Variants in BRAP observed in about 807,000 individuals in gnomAD.
The protein encoded by BRAP is BRCA1 associated protein, also known as BRCA1-associated protein.
In BRAP, 42 loss-of-function variants were observed where a neutral mutation model predicts 73.4. The ratio of observed to expected loss-of-function variants is 0.57; its 90% CI spans 0.45 to 0.74. The LOEUF (loss-of-function observed/expected upper bound fraction) is 0.74. Among genes scored for constraint, BRAP ranks in the 30% least tolerant of loss-of-function variants. The pLI is 0.00. For synonymous variants in BRAP, 255 were observed against 267.4 expected (o/e 0.95, Z 0.45); for missense variants, 593 against 751.4 (o/e 0.79, Z 2.46).
At chr12:111,647,739 T>C (rs905052395) in intron 11 of BRAP, among the ~76,000 whole-genome samples, 5 of 151,806 alleles carry the variant, frequency 3.3e-5, no homozygotes, top group Non-Finnish European at 7.4e-5. Flanking sequence ...CTACTAAAAA[T>C]ACAAAATTAG....
rs749368439 is a variant in BRAP at position 111,665,614 on chromosome 12, A to G, written c.896+25T>C. On this transcript the variant is annotated intron_variant, in intron 6 of 11. Coordinates refer to ENST00000419234, the MANE Select transcript of BRAP (RefSeq NM_006768.5). The surrounding 1 kb of genome is among the most constrained non-coding windows in gnomAD (Gnocchi z 4.3). ...GAAGGGTTGCAATGGGCTTGTACAC[A>G]GAGGGGTTCGGCCCCTGCACTCACG... 1.9e-6 allele frequency: 3 copies of G among 1,613,840 alleles called. No homozygotes were observed. In the South Asian group the frequency reaches 3.3e-5, roughly 18 times the overall value.
chr12:111,685,243 T>C (rs1044906806), intron 1 of BRAP, among the ~76,000 whole-genome samples: 2 of 152,234 alleles, frequency 1.3e-5, no homozygotes, highest in African/African-American at 2.4e-5. Context: ...AAGAATACAA[T>C]ACACAAAAGG....
At chr12:111,655,852 G>A (rs542860258) in intron 9 of BRAP, among the ~76,000 whole-genome samples, 197 bp from the exon 10 acceptor site, 4 of 152,146 alleles carry the variant, frequency 2.6e-5, no homozygotes, top group Admixed American at 2.6e-4. Context: ...TGTCTTCCTG[G>A]GGCTTACAAT....
chr12:111,676,621 C>T (rs899648209), intron 4 of BRAP, among the ~76,000 whole-genome samples: 1 of 152,186 alleles, frequency 6.6e-6, no homozygotes, highest in Non-Finnish European at 1.5e-5. Context: ...ACCATGTTGG[C>T]CAGGCTGGTC....
At chr12:111,654,317 C>CT (rs371816715) in intron 10 of BRAP, among the ~76,000 whole-genome samples, 3,134 of 142,614 alleles carry the variant, frequency 0.022, 29 homozygotes, top group African/African-American at 0.023. Flanking sequence ...TTAAAACTGA[C>CT]TTTTTTTTTT....
intron 2 of BRAP, 25 bp downstream of exon 2, chr12:111,683,121 G>C: frequency 1.2e-6 from 2 of 1,601,974 alleles, no homozygotes; most frequent in Middle Eastern, 1.7e-4. Context: ...TTACAAAAGA[G>C]AGTCCAGGGT....
intron 1 of BRAP, among the ~76,000 whole-genome samples, chr12:111,684,663 GTTTT>G (rs796561385): frequency 6.8e-6 from 1 of 147,960 alleles, no homozygotes; most frequent in Non-Finnish European, 1.5e-5. Flanking sequence ...ATGAGCATAA[GTTTT>G]TTTTTTGTTT....
intron 11 of BRAP, 107 bp from the exon 12 acceptor site, chr12:111,644,669 G>A (rs1566106902): frequency 6.8e-7 from 1 of 1,473,496 alleles, no homozygotes; most frequent in Non-Finnish European, 9.1e-7. Flanking sequence ...ATCCCTTTAG[G>A]ACAGACCCCT....
rs1308514824 is a variant in BRAP, at chr12:111,685,879, G to T, written c.-87C>A. 6 of 913,890 alleles carry T rather than the reference G, an allele frequency of 6.6e-6. No individual in the cohort carries two copies. The highest frequency in any genetic ancestry group is 3.0e-6 in the Non-Finnish European group (2 of 673,746). 56.6% of individuals were successfully genotyped at this position (913,890 alleles called of 1,614,324 possible). On this transcript the variant is annotated 5_prime_UTR_variant, in exon 1 of 12. In the 5' UTR this introduces an upstream ATG that the reference lacks. Coordinates refer to ENST00000419234, the MANE Select transcript of BRAP (RefSeq NM_006768.5). ...GAGGCCGAGCGGCCCGGGGCCGGCA[G>T]CGCCGCCACCACCTCAATGCAGTTG...
At chr12:111,655,473 A>G (rs537299101) in intron 10 of BRAP, 93 bp downstream of exon 10, 1 of 1,004,382 alleles carries the variant, frequency 1.0e-6, no homozygotes, top group Non-Finnish European at 1.5e-6. Context: ...AGATGGTAAG[A>G]TTCCTCTTTC....
In BRAP at chr12:111,644,440, C is replaced by A; in HGVS notation, c.1538G>T (p.Arg513Met). The A allele has an allele frequency of 6.2e-7, 1 of 1,614,130 alleles. No individual in the cohort carries two copies. Among genetic ancestry groups the A allele is most frequent in the Non-Finnish European group, 8.5e-7 (1 of 1,180,020 alleles). The change falls in exon 12 of 12, where the codon AGG becomes ATG. Residue 513 changes from arginine to methionine, a missense_variant. Arg to Met is a moderately conservative substitution (Grantham distance 91). Coordinates refer to ENST00000419234, the MANE Select transcript of BRAP (RefSeq NM_006768.5). Reference protein sequence around the residue: ...LLQNKLKEEERVLKETCDQKD... With the variant: ...LLQNKLKEEEMVLKETCDQKD... ...TTGGTCACAGGTCTCCTTCAGCACCCTCTCCTCCTCTTTTAGCTTGTTCTG... is the reference window on the plus strand; with the variant it reads ...TTGGTCACAGGTCTCCTTCAGCACCATCTCCTCCTCTTTTAGCTTGTTCTG...
intron 10 of BRAP, among the ~76,000 whole-genome samples, chr12:111,651,114 G>C (rs1886303454): frequency 2.0e-5 from 3 of 151,932 alleles, no homozygotes; most frequent in Non-Finnish European, 4.4e-5. Flanking sequence ...CAATATAACA[G>C]GAACTGAAAG....
chr12:111,664,939 G>C (rs1320671624), intron 6 of BRAP, among the ~76,000 whole-genome samples: 1 of 152,166 alleles, frequency 6.6e-6, no homozygotes, highest in Non-Finnish European at 1.5e-5. Flanking sequence ...CTGTAACACT[G>C]GTTATGGCTG....
chr12:111,676,868 G>A (rs1334829208), intron 4 of BRAP, among the ~76,000 whole-genome samples: 3 of 152,200 alleles, frequency 2.0e-5, no homozygotes, highest in African/African-American at 7.2e-5. Context: ...CTTACACCAA[G>A]AGGGTATTAT....
rs575957434 is a variant in BRAP, at chr12:111,681,808, C to T, written c.272G>A (p.Arg91Lys). ...AGTGGGGGAGGCTTCTGAAGACTTC[C>T]TTTCTTCCACTGTAGTTTTTAGTTC... ...PDELKTTVEE[R>K]KSSEASPTAQ... Residue 91 changes from arginine (R) to lysine (K), a missense_variant, in exon 3 of 12, where the codon AGG becomes AAG. Physicochemically the swap from Arg to Lys is conservative, Grantham distance 26. This residue lies in a region of BRAP where 304 missense variants were observed against 337.7 expected (regional missense o/e 0.90). Transcript: ENST00000419234. 15 of 1,611,930 alleles carry T rather than the reference C, an allele frequency of 9.3e-6. No homozygotes were observed. The African/African-American group carries it at 1.9e-4, about 20-fold the overall frequency.
At chr12:111,683,761 G>A (rs191572389) in intron 1 of BRAP, among the ~76,000 whole-genome samples, 53 of 152,084 alleles carry the variant, frequency 3.5e-4, no homozygotes, top group East Asian at 3.3e-3. Flanking sequence ...GGCTGGTCTC[G>A]AACTCCTGGC....
At chr12:111,672,553 T>C in intron 5 of BRAP, 108 bp downstream of exon 5, 1 of 907,458 alleles carries the variant, frequency 1.1e-6, no homozygotes, top group Non-Finnish European at 1.6e-6. Context: ...CAGTCTACTT[T>C]CTGTGTCTAT....
chr12:111,679,956 CT>C lies in BRAP; in HGVS notation c.444-617del, dbSNP rs200793053. ...TGGCTATGGACCTCTCTTAAAAGGC[CT>C]AAAAAAACAGCTCTAAATATACGAG... On this transcript the variant is annotated intron_variant, in intron 3 of 11. Transcript: ENST00000419234. Among the ~76,000 whole-genome samples, 101 of 149,614 alleles carry C rather than the reference CT, an allele frequency of 6.8e-4. No homozygotes were observed. The East Asian group carries it at 0.012, about 18-fold the overall frequency.
chr12:111,678,196 C>T (rs897795661), intron 4 of BRAP, among the ~76,000 whole-genome samples: 5 of 143,748 alleles, frequency 3.5e-5, no homozygotes, highest in Non-Finnish European at 6.0e-5. Flanking sequence ...TTGCTGTGAG[C>T]TGAGATCGTG....
Sources: gnomAD v4.1 joint callset for allele counts (sites outside exome capture counted in the v4.1 genomes callset) on GRCh38, gnomAD v4.1.1 for gene constraint, gnomAD v4.1.1 regional missense constraint, Gnocchi (gnomAD v3.1) non-coding constraint, MANE v1.5 for transcripts, NCBI Gene and HGNC (gene_info 2026-07-23, HGNC 2026-07-21) for gene names.